Variants in ACOT12 observed in about 807,000 individuals in gnomAD.
ACOT12 encodes the protein acyl-CoA thioesterase 12.
In ACOT12, 51 loss-of-function variants were observed where a neutral mutation model predicts 67.7. That is an observed-to-expected ratio of 0.75 (90% CI 0.60 to 0.95). ACOT12 has a LOEUF of 0.95. Ranked by LOEUF, ACOT12 falls within the 40% of genes least tolerant of loss-of-function variation. The pLI is 0.00. For missense variants in ACOT12, 734 were observed against 708.1 expected, an observed-to-expected ratio of 1.04 and a Z score of -0.41; for synonymous variants, 251 against 244.6, an observed-to-expected ratio of 1.03 and a Z score of -0.24.
At chr5:81,361,218 CTT>C (rs113814402) in intron 4 of ACOT12, among the ~76,000 whole-genome samples, 6 of 142,220 alleles carry the variant, frequency 4.2e-5, no homozygotes, top group Admixed American at 7.0e-5. Context: ...GGTTTAACTC[CTT>C]TTTTTTTTTT....
At chr5:81,370,993 T>A (rs1464265257) in intron 3 of ACOT12, among the ~76,000 whole-genome samples, 1 of 152,166 alleles carries the variant, frequency 6.6e-6, no homozygotes, top group African/African-American at 2.4e-5. Flanking sequence ...AATAAAAATC[T>A]TCTAAATTTA....
chr5:81,371,059 T>C (rs186341445), intron 3 of ACOT12, among the ~76,000 whole-genome samples: 28 of 152,312 alleles, frequency 1.8e-4, no homozygotes, highest in Admixed American at 1.5e-3. Context: ...ATCATGGGAC[T>C]AGTTTCTGTC....
chr5:81,358,625 G>A (rs911647334), intron 5 of ACOT12, among the ~76,000 whole-genome samples: 1 of 152,162 alleles, frequency 6.6e-6, no homozygotes, highest in Non-Finnish European at 1.5e-5. Flanking sequence ...CGAGGCAGGC[G>A]GATCACCTGA....
At chr5:81,385,151 A>G (rs2153859687) in intron 2 of ACOT12, among the ~76,000 whole-genome samples, 1 of 152,266 alleles carries the variant, frequency 6.6e-6, no homozygotes. Flanking sequence ...GGGGATGTTA[A>G]TAATTAGCTT....
chr5:81,366,902 T>C (rs1333656918), intron 3 of ACOT12, among the ~76,000 whole-genome samples: 2 of 152,074 alleles, frequency 1.3e-5, no homozygotes, highest in Admixed American at 1.3e-4. Flanking sequence ...CAGTGACCCG[T>C]GGAACACTAA....
chr5:81,363,815 A>T lies in ACOT12; in HGVS notation c.333T>A (p.Phe111Leu). ...TTTCTTTTCCAACTGGTTTGGCTAC[A>T]AATGTGGAGAAAGCCACACTAACAA... ...EKLVSVAFST[F>L]VAKPVGKEKI... The change falls in exon 4 of 15, where the codon TTT becomes TTA. Residue 111 changes from phenylalanine (F) to leucine (L), a missense_variant. Physicochemically the swap from Phe to Leu is conservative, Grantham distance 22 (BLOSUM62 0). Coordinates refer to ENST00000307624, the MANE Select transcript of ACOT12 (RefSeq NM_130767.3). The T allele has an allele frequency of 2.5e-6, 4 of 1,611,502 alleles. No homozygotes were observed. The highest frequency in any genetic ancestry group is 3.4e-6 in the Non-Finnish European group (4 of 1,178,846).
intron 3 of ACOT12, among the ~76,000 whole-genome samples, chr5:81,365,224 C>T (rs1760039690): frequency 6.6e-6 from 1 of 152,152 alleles, no homozygotes; most frequent in Non-Finnish European, 1.5e-5. Flanking sequence ...CAGCTCAGCA[C>T]TATGTTATCA....
chr5:81,331,276 G>A (rs552513930), intron 13 of ACOT12, among the ~76,000 whole-genome samples: 31 of 152,332 alleles, frequency 2.0e-4, no homozygotes, highest in Non-Finnish European at 2.6e-4. Flanking sequence ...AGTGGCTCAC[G>A]CCTGTAATCC....
At chr5:81,362,060 A>G (rs1423735333) in intron 4 of ACOT12, among the ~76,000 whole-genome samples, 1 of 152,182 alleles carries the variant, frequency 6.6e-6, no homozygotes, top group African/African-American at 2.4e-5. Flanking sequence ...AGGTTATCTG[A>G]ACCAACCAAT....
intron 3 of ACOT12, 87 bp from the exon 4 acceptor site, chr5:81,363,976 C>A: frequency 2.7e-6 from 2 of 734,254 alleles, no homozygotes; most frequent in South Asian, 4.3e-5. Flanking sequence ...GCACCATTAC[C>A]TTCTTTCATT....
intron 14 of ACOT12, 70 bp downstream of exon 14, chr5:81,330,744 C>G (rs1758790783): frequency 6.3e-7 from 1 of 1,578,756 alleles, no homozygotes; most frequent in Non-Finnish European, 8.6e-7. Flanking sequence ...ATTAGGACAT[C>G]TGGGTAAATT....
chr5:81,392,897 A>G (rs1361196783), intron 1 of ACOT12, among the ~76,000 whole-genome samples: 2 of 152,190 alleles, frequency 1.3e-5, no homozygotes, highest in East Asian at 1.9e-4. Context: ...GTGGCCTCAC[A>G]TGGCAGAGAG....
At chr5:81,314,908 C>A in the ACOT12 span, among the ~76,000 whole-genome samples, 1 of 151,982 alleles carries the variant, frequency 6.6e-6, no homozygotes, top group African/African-American at 2.4e-5. Context: ...AACACCTGGG[C>A]TCCAGCGATC....
intron 12 of ACOT12, 38 bp from the exon 13 acceptor site, chr5:81,332,643 T>C: frequency 6.2e-7 from 1 of 1,611,220 alleles, no homozygotes; most frequent in Non-Finnish European, 8.5e-7. Context: ...GTATACTTTC[T>C]ACCTGCTCAG....
chr5:81,389,830 A>G (rs1232409613), intron 1 of ACOT12, among the ~76,000 whole-genome samples: 7 of 146,382 alleles, frequency 4.8e-5, no homozygotes, highest in Non-Finnish European at 6.0e-5. Flanking sequence ...CCCAGCCTGT[A>G]TTAGTTTTTC....
In ACOT12 at chr5:81,374,750, A is replaced by C. The variant is rs377242361; in HGVS notation, c.198-2940T>G. On this transcript the variant is annotated intron_variant, in intron 2 of 14. Coordinates refer to ENST00000307624, the MANE Select transcript of ACOT12 (RefSeq NM_130767.3). ...CAGAAGAAAGGATATCAGAGATTGA[A>C]GATCAACTTAATGAAATAAAGTGAG... Among the ~76,000 whole-genome samples the C allele has an allele frequency of 1.3e-3, 192 of 152,344 alleles. 2 individuals are homozygous for C. Among genetic ancestry groups the C allele is most frequent in the African/African-American group, 4.5e-3 (188 of 41,580 alleles).
downstream of ACOT12, among the ~76,000 whole-genome samples, chr5:81,327,946 T>C (rs1241984024): frequency 2.0e-5 from 3 of 152,144 alleles, no homozygotes; most frequent in African/African-American, 4.8e-5. Flanking sequence ...CTTAGCTGCT[T>C]ACCCTTGGAG....
At chr5:81,389,817 AGGCCCAGCCTGTATTAGTTTT>A in intron 1 of ACOT12, among the ~76,000 whole-genome samples, 1 of 145,592 alleles carries the variant, frequency 6.9e-6, no homozygotes, top group Non-Finnish European at 1.5e-5. Flanking sequence ...GTGAGCCACC[AGGCCCAGCCTGTATTAGTTTT>A]TCTTGATGTT....
At chr5:81,327,055 T>C (rs1258869518), downstream of ACOT12, among the ~76,000 whole-genome samples, 2 of 152,014 alleles carry the variant, frequency 1.3e-5, no homozygotes, top group East Asian at 1.9e-4. Context: ...TATCAACATA[T>C]ATTTCAAGAC....
Sources: gnomAD v4.1 joint callset for allele counts (sites outside exome capture counted in the v4.1 genomes callset) on GRCh38, gnomAD v4.1.1 for gene constraint, MANE v1.5 for transcripts, NCBI Gene and HGNC (gene_info 2026-07-23, HGNC 2026-07-21) for gene names.